The following SMYD3 variants were observed in gnomAD, a reference collection of about 807,000 sequenced individuals.
The protein encoded by SMYD3 is histone-lysine N-methyltransferase SMYD3.
A neutral mutation model predicts 57.7 loss-of-function variants in SMYD3; 36 were observed. The observed-to-expected ratio is 0.62, with a 90% confidence interval of 0.48 to 0.82. The LOEUF is 0.82. SMYD3 is among the 40% of genes least tolerant of loss of function. SMYD3 has a pLI of 0.00. For missense variants in SMYD3, 515 were observed against 538.8 expected (o/e 0.96, Z 0.44); for synonymous variants, 211 against 195.0 (o/e 1.08, Z -0.68).
chr1:245,929,626 C>T lies in SMYD3; in HGVS notation c.599+244G>A, dbSNP rs545966601. On this transcript the variant is annotated intron_variant, in intron 6 of 11. Coordinates refer to ENST00000490107, the MANE Select transcript of SMYD3 (RefSeq NM_001167740.2). ...CCTCAACTTCTTCACCCAAAGTCCC[C>T]CTGAGAACAAGAGTTTAGTTCTGAG... Among the ~76,000 whole-genome samples, 3 of 152,308 alleles carry T rather than the reference C, an allele frequency of 2.0e-5. No homozygotes were observed. In the East Asian group the frequency reaches 5.8e-4, roughly 29 times the overall value.
chr1:246,439,495 T>C (rs963718457), intron 1 of SMYD3, among the ~76,000 whole-genome samples: 2 of 152,182 alleles, frequency 1.3e-5, no homozygotes, highest in Admixed American at 6.5e-5. Context: ...CAAACGCTCA[T>C]AGGCACACCA....
intron 10 of SMYD3, among the ~76,000 whole-genome samples, chr1:245,803,467 AC>A (rs959428109): frequency 2.0e-5 from 3 of 152,026 alleles, no homozygotes; most frequent in African/African-American, 7.2e-5. Context: ...GTGACTGTCA[AC>A]AGTTTCATAT....
intron 5 of SMYD3, among the ~76,000 whole-genome samples, chr1:245,966,813 A>T (rs1275588323): frequency 5.9e-5 from 9 of 152,104 alleles, no homozygotes; most frequent in Admixed American, 5.9e-4. Flanking sequence ...GGCTGTAGGG[A>T]GTACAGGGGA....
chr1:246,261,999 C>T (rs2064021846), intron 5 of SMYD3, among the ~76,000 whole-genome samples: 1 of 150,218 alleles, frequency 6.7e-6, no homozygotes, highest in Admixed American at 6.7e-5. Flanking sequence ...CCTTCTGTGG[C>T]CAAAGTTTCT....
At chr1:245,962,750 C>T (rs2058042605) in intron 5 of SMYD3, among the ~76,000 whole-genome samples, 1 of 126,266 alleles carries the variant, frequency 7.9e-6, no homozygotes, top group African/African-American at 2.5e-5. Context: ...TTTCTAGAAA[C>T]ATCCATAGAG....
intron 1 of SMYD3, among the ~76,000 whole-genome samples, chr1:246,428,741 C>T (rs1401401191): frequency 1.3e-5 from 2 of 152,164 alleles, no homozygotes; most frequent in Non-Finnish European, 2.9e-5. Flanking sequence ...GATTCAAACC[C>T]GCGCAATCTA....
At chr1:246,162,969 C>T (rs1308680928) in intron 5 of SMYD3, among the ~76,000 whole-genome samples, 6 of 152,202 alleles carry the variant, frequency 3.9e-5, no homozygotes, top group Admixed American at 2.6e-4. Flanking sequence ...AGCTCTTGCA[C>T]ATTTAACCAC....
Position 246,187,888 on chromosome 1 carries a change from G to A in SMYD3, c.531+139313C>T, listed in dbSNP as rs1180732918. On this transcript the variant is annotated intron_variant, in intron 5 of 11. Coordinates refer to ENST00000490107, the MANE Select transcript of SMYD3 (RefSeq NM_001167740.2). Reference sequence around the variant, plus strand: ...CTTGTTGACGGAAATATTACAAGAAGTCCCCCTAAGAACAGTTCTCTTCAT... The same window carrying A: ...CTTGTTGACGGAAATATTACAAGAAATCCCCCTAAGAACAGTTCTCTTCAT... Among the ~76,000 whole-genome samples, 3 of 151,950 alleles carry A rather than the reference G, an allele frequency of 2.0e-5. No individual in the cohort carries two copies. The East Asian group carries it at 5.8e-4, about 29-fold the overall frequency.
chr1:245,959,247 C>G (rs930433147), intron 5 of SMYD3, among the ~76,000 whole-genome samples: 11 of 152,222 alleles, frequency 7.2e-5, no homozygotes, highest in African/African-American at 2.4e-4. Context: ...CAGGCATGAG[C>G]CACCATGCCC....
intron 1 of SMYD3, among the ~76,000 whole-genome samples, chr1:246,497,223 C>A (rs2068377494): frequency 6.6e-6 from 1 of 152,140 alleles, no homozygotes; most frequent in Non-Finnish European, 1.5e-5. Context: ...ACATAGGTTT[C>A]GACTCTTATT....
In SMYD3 at chr1:246,288,569, AAC is replaced by A. The variant is rs565487348; in HGVS notation, c.531+38630_531+38631del. ...GCTAGTCCAGGCACAAGACTAGATA[AAC>A]CAACCACCTGGGGCAGAAGAGAATC... On this transcript the variant is annotated intron_variant, in intron 5 of 11. Transcript: ENST00000490107. 4.7e-4 allele frequency among the ~76,000 whole-genome samples: 72 copies of A among 152,248 alleles called. 1 individual carries two copies. Among genetic ancestry groups the A allele is most frequent in the African/African-American group, 1.7e-3 (71 of 41,552 alleles).
At chr1:245,759,260 A>G (rs546848595) in intron 11 of SMYD3, among the ~76,000 whole-genome samples, 1 of 144,334 alleles carries the variant, frequency 6.9e-6, no homozygotes, top group East Asian at 2.1e-4. Context: ...CTTTGAAGGT[A>G]TTAGTGACAA....
chr1:245,948,849 A>C (rs967844727), intron 5 of SMYD3, among the ~76,000 whole-genome samples: 4 of 151,700 alleles, frequency 2.6e-5, no homozygotes, highest in African/African-American at 9.7e-5. Flanking sequence ...CAAAGCACAC[A>C]CTCTTCAGGA....
chr1:245,972,237 AC>A (rs2058319426), intron 5 of SMYD3, among the ~76,000 whole-genome samples: 2 of 152,222 alleles, frequency 1.3e-5, no homozygotes, highest in African/African-American at 4.8e-5. Flanking sequence ...GTCCTGAGAC[AC>A]CTTAGCTGGC....
intron 5 of SMYD3, among the ~76,000 whole-genome samples, chr1:246,164,921 T>C (rs1329268613): frequency 1.3e-5 from 2 of 152,210 alleles, no homozygotes; most frequent in African/African-American, 4.8e-5. Context: ...AAGCTAACTT[T>C]GGGAGTCAGC....
At chr1:246,160,519 G>C (rs917537764) in intron 5 of SMYD3, among the ~76,000 whole-genome samples, 2 of 152,116 alleles carry the variant, frequency 1.3e-5, no homozygotes, top group African/African-American at 2.4e-5. Context: ...GCTTCTGAAT[G>C]TGCAAAGGTG....
intron 2 of SMYD3, among the ~76,000 whole-genome samples, chr1:246,349,780 C>T (rs1215668379): frequency 6.6e-6 from 1 of 152,110 alleles, no homozygotes; most frequent in East Asian, 1.9e-4. Context: ...ATATCTATAT[C>T]TGATGTTCTA....
chr1:246,058,795 A>G (rs553021437), intron 5 of SMYD3, among the ~76,000 whole-genome samples: 46 of 152,302 alleles, frequency 3.0e-4, no homozygotes, highest in African/African-American at 1.1e-3. Context: ...ATAGTATAGA[A>G]GGACTTTTAT....
chr1:245,782,482 G>A (rs2046872188), intron 10 of SMYD3, among the ~76,000 whole-genome samples: 1 of 152,228 alleles, frequency 6.6e-6, no homozygotes, highest in Admixed American at 6.5e-5. Context: ...TCAAACACCT[G>A]ACGGCATGGA....
Sources: gnomAD v4.1 joint callset for allele counts (sites outside exome capture counted in the v4.1 genomes callset) on GRCh38, gnomAD v4.1.1 for gene constraint, MANE v1.5 for transcripts, NCBI Gene and HGNC (gene_info 2026-07-23, HGNC 2026-07-21) for gene names.